MTA3: variants seen among roughly 807,000 people sequenced by gnomAD.
The protein encoded by MTA3 is metastasis associated 1 family member 3, also known as metastasis-associated protein MTA3.
MTA3 carries 34 observed loss-of-function variants against 83.5 expected under a neutral mutation model. That is an observed-to-expected ratio of 0.41 (90% CI 0.31 to 0.54). The LOEUF is 0.54. MTA3 is among the 20% of genes least tolerant of loss of function. The pLI is 0.33. For synonymous variants in MTA3, 303 were observed against 252.7 expected (o/e 1.20, Z -1.89); for missense variants, 761 against 726.4 (o/e 1.05, Z -0.55).
chr2:42,686,956 A>G (rs1348344611), intron 9 of MTA3, among the ~76,000 whole-genome samples: 3 of 137,722 alleles, frequency 2.2e-5, no homozygotes, highest in Admixed American at 2.2e-4. Context: ...CCATCTCTAC[A>G]AAAAAAAAAA....
intron 14 of MTA3, 48 bp from the exon 15 acceptor site, chr2:42,718,940 A>G: frequency 7.3e-7 from 1 of 1,376,436 alleles, no homozygotes; most frequent in Non-Finnish European, 1.0e-6. Context: ...TAGTCTGGCT[A>G]GAGAAATCCA....
At chr2:42,740,268 T>C (rs979569618) in intron 16 of MTA3, among the ~76,000 whole-genome samples, 9 of 152,230 alleles carry the variant, frequency 5.9e-5, no homozygotes, top group African/African-American at 1.4e-4. Context: ...CCCAGCACTT[T>C]GGGAGGCCAA....
intron 2 of MTA3, among the ~76,000 whole-genome samples, chr2:42,522,533 C>A (rs899696124): frequency 2.6e-5 from 4 of 152,152 alleles, no homozygotes; most frequent in South Asian, 4.2e-4. Context: ...CGGTGGCTCA[C>A]GCCTATAATC....
chr2:42,494,522 G>C (rs1674039749), upstream of MTA3: 1 of 152,278 alleles, frequency 6.6e-6, no homozygotes, highest in Non-Finnish European at 1.5e-5. Context: ...CGCGCGGGGC[G>C]ACCCACGTAC....
At chr2:42,741,561 G>A (rs1669027471) in intron 16 of MTA3, among the ~76,000 whole-genome samples, 1 of 152,112 alleles carries the variant, frequency 6.6e-6, no homozygotes, top group Admixed American at 6.6e-5. Context: ...GTTATTAATT[G>A]GCCTAATTTT....
intron 3 of MTA3, among the ~76,000 whole-genome samples, chr2:42,588,881 G>A (rs1430112163): frequency 6.6e-6 from 1 of 151,958 alleles, no homozygotes; most frequent in Non-Finnish European, 1.5e-5. Context: ...CAAGGAACTG[G>A]TTTACATAAT....
intron 16 of MTA3, among the ~76,000 whole-genome samples, chr2:42,724,958 G>A (rs922818736): frequency 1.3e-5 from 2 of 152,232 alleles, no homozygotes; most frequent in South Asian, 2.1e-4. Context: ...TGTAGACAGA[G>A]ACCTTCAGCC....
chr2:42,613,082 T>C (rs1229414399), intron 4 of MTA3, among the ~76,000 whole-genome samples: 1 of 152,226 alleles, frequency 6.6e-6, no homozygotes, highest in Non-Finnish European at 1.5e-5. Context: ...GTTTTTTGTC[T>C]TCCATAAGGA....
At chr2:42,542,366 T>C (rs562472885) in intron 2 of MTA3, among the ~76,000 whole-genome samples, 14 of 152,232 alleles carry the variant, frequency 9.2e-5, no homozygotes, top group Middle Eastern at 6.8e-3. Context: ...TAGATACCCA[T>C]ATGTGAAGAA....
intron 4 of MTA3, among the ~76,000 whole-genome samples, chr2:42,636,622 CTTTCTTT>C (rs1687222485): frequency 6.9e-6 from 1 of 145,714 alleles, no homozygotes; most frequent in Non-Finnish European, 1.5e-5. Flanking sequence ...CTTTCTCTTT[CTTTCTTT>C]TTTTTTTTTT....
intron 4 of MTA3, among the ~76,000 whole-genome samples, chr2:42,622,932 G>A (rs563979003): frequency 1.3e-5 from 2 of 152,072 alleles, no homozygotes; most frequent in South Asian, 2.1e-4. Context: ...ATTAAGATAC[G>A]GTATATTAGT....
At chr2:42,679,821 A>G (rs1691706497) in intron 8 of MTA3, among the ~76,000 whole-genome samples, 1 of 151,758 alleles carries the variant, frequency 6.6e-6, no homozygotes, top group African/African-American at 2.4e-5. Flanking sequence ...TAAGGTAATG[A>G]ATTAGATGGC....
At chr2:42,529,651 T>G (rs1675867970) in intron 2 of MTA3, among the ~76,000 whole-genome samples, 1 of 152,214 alleles carries the variant, frequency 6.6e-6, no homozygotes, top group African/African-American at 2.4e-5. Flanking sequence ...GGCATTTGGG[T>G]AGCAGCGGTG....
At chr2:42,683,644 G>C (rs1176596887) in intron 9 of MTA3, among the ~76,000 whole-genome samples, 1 of 152,178 alleles carries the variant, frequency 6.6e-6, no homozygotes, top group East Asian at 1.9e-4. Context: ...ATGGGAGATA[G>C]TGATAGATCA....
chr2:42,610,737 G>T (rs910187187), intron 4 of MTA3, among the ~76,000 whole-genome samples: 1 of 152,134 alleles, frequency 6.6e-6, no homozygotes, highest in African/African-American at 2.4e-5. Flanking sequence ...TACTTACTCA[G>T]CCTTCCAGAG....
At chr2:42,636,369 A>G (rs575193781) in intron 4 of MTA3, among the ~76,000 whole-genome samples, 18 of 152,070 alleles carry the variant, frequency 1.2e-4, no homozygotes, top group Admixed American at 2.6e-4. Context: ...GCAAAACTCT[A>G]TCTCTACAAA....
intron 2 of MTA3, among the ~76,000 whole-genome samples, chr2:42,526,356 A>T (rs13398888): frequency 0.45 from 68,804 of 152,014 alleles, 16,094 homozygotes; most frequent in Middle Eastern, 0.55. Flanking sequence ...CATGCCACCG[A>T]GGCCGATTGG....
intron 4 of MTA3, among the ~76,000 whole-genome samples, chr2:42,628,077 T>A (rs956366894): frequency 3.0e-4 from 46 of 151,906 alleles, no homozygotes; most frequent in African/African-American, 1.1e-3. Context: ...TTAGACCAGG[T>A]TTCACCATGT....
At chr2:42,615,390 A>C (rs1684739149) in intron 4 of MTA3, among the ~76,000 whole-genome samples, 1 of 151,514 alleles carries the variant, frequency 6.6e-6, no homozygotes. Flanking sequence ...TCGCTCTGTC[A>C]CCTAGGCTGG....
Sources: gnomAD v4.1 joint callset for allele counts (sites outside exome capture counted in the v4.1 genomes callset) on GRCh38, gnomAD v4.1.1 for gene constraint, MANE v1.5 for transcripts, NCBI Gene and HGNC (gene_info 2026-07-23, HGNC 2026-07-21) for gene names.